The following WWC1 variants were observed in gnomAD, a reference collection of about 807,000 sequenced individuals.
WWC1 encodes protein KIBRA.
WWC1 carries 55 observed loss-of-function variants against 138.4 expected under a neutral mutation model. The observed-to-expected ratio is 0.40, with a 90% confidence interval of 0.32 to 0.50. The LOEUF (loss-of-function observed/expected upper bound fraction) is 0.50, where lower values mean the gene tolerates loss of function less well. Among genes scored for constraint, WWC1 ranks in the 20% least tolerant of loss-of-function variants. WWC1 has a pLI of 0.72. For missense variants in WWC1, 1,226 were observed against 1,420.4 expected (o/e 0.86, Z 2.20); for synonymous variants, 524 against 564.9 (o/e 0.93, Z 1.03).
chr5:168,402,250 G>A (rs1466847723), intron 5 of WWC1, among the ~76,000 whole-genome samples: 3 of 152,360 alleles, frequency 2.0e-5, no homozygotes, highest in East Asian at 1.9e-4. Context: ...TGGGCTCTGC[G>A]TCCAGTGTGG....
At position 168,349,874 on chromosome 5, in the gene WWC1, G is replaced by A. The variant is rs113736397; in HGVS notation, c.120-21550G>A. Among the ~76,000 whole-genome samples the A allele has an allele frequency of 8.4e-3, 1,277 of 152,230 alleles. 17 individuals are homozygous for A. The highest frequency in any genetic ancestry group is 0.024 in the African/African-American group (978 of 41,538). ...ACCAACAGCGGCCTCTTAAGTAACC[G>A]TTTGTTTCCTCAAAATAACACTCCA... On this transcript the variant is annotated intron_variant, in intron 1 of 22. Transcript: ENST00000265293.
chr5:168,463,191 G>A (rs931521296), intron 20 of WWC1, among the ~76,000 whole-genome samples: 28 of 152,178 alleles, frequency 1.8e-4, no homozygotes, highest in African/African-American at 6.5e-4. Context: ...CGCTGGTCAG[G>A]AGCTTAAGCA....
At position 168,351,779 on chromosome 5, in the gene WWC1, G is replaced by A. The variant is rs547777592; in HGVS notation, c.120-19645G>A. ...CAACCAGTCCTGTCGCAGCCAGGCT[G>A]TTTCTGCACCACGTGCCGCCTGCCC... On this transcript the variant is annotated intron_variant, in intron 1 of 22. Transcript: ENST00000265293. Among the ~76,000 whole-genome samples the A allele has an allele frequency of 1.8e-3, 273 of 152,306 alleles. 1 individual carries two copies. Among genetic ancestry groups the A allele is most frequent in the African/African-American group, 6.3e-3 (261 of 41,578 alleles).
At chr5:168,392,234 C>T (rs116399884) in intron 3 of WWC1, among the ~76,000 whole-genome samples, 1,869 of 152,150 alleles carry the variant, frequency 0.012, 30 homozygotes, top group African/African-American at 0.043. Context: ...AGACCTTAGC[C>T]CTCATATACC....
At chr5:168,343,929 T>C (rs1295243475) in intron 1 of WWC1, among the ~76,000 whole-genome samples, 3 of 152,122 alleles carry the variant, frequency 2.0e-5, no homozygotes. Flanking sequence ...CCACTCAGTC[T>C]TCCACTGATG....
chr5:168,387,115 G>C (rs1778103400), intron 3 of WWC1, among the ~76,000 whole-genome samples: 1 of 152,210 alleles, frequency 6.6e-6, no homozygotes, highest in African/African-American at 2.4e-5. Context: ...TGAGGCTTAG[G>C]ATCAACAATG....
intron 16 of WWC1, 48 bp downstream of exon 16, chr5:168,441,882 T>C (rs370722091): frequency 2.5e-6 from 4 of 1,587,140 alleles, no homozygotes; most frequent in Non-Finnish European, 3.4e-6. Flanking sequence ...CGCACCCGGA[T>C]GTTGGAAGGG....
chr5:168,378,850 T>A (rs1190337719), intron 2 of WWC1, among the ~76,000 whole-genome samples: 1 of 152,230 alleles, frequency 6.6e-6, no homozygotes, highest in African/African-American at 2.4e-5. Flanking sequence ...ATTCTCCAGA[T>A]GTTTTTAAGA....
chr5:168,328,417 G>A (rs1772750901), intron 1 of WWC1, among the ~76,000 whole-genome samples: 1 of 152,162 alleles, frequency 6.6e-6, no homozygotes, highest in Non-Finnish European at 1.5e-5. Flanking sequence ...GGGGTATATA[G>A]TGGTGGAGGC....
At chr5:168,339,995 CTCTT>C (rs760003887) in intron 1 of WWC1, among the ~76,000 whole-genome samples, 8 of 103,214 alleles carry the variant, frequency 7.8e-5, no homozygotes, top group African/African-American at 2.0e-4. Context: ...TTCTCTCTCT[CTCTT>C]TCTCTCTTTC....
chr5:168,441,879 G>A lies in WWC1; in HGVS notation c.2433+45G>A, dbSNP rs374086265. 66 of 1,588,466 alleles carry A rather than the reference G, an allele frequency of 4.2e-5. No individual in the cohort carries two copies. In the African/African-American group the frequency reaches 4.7e-4, roughly 11 times the overall value. On this transcript the variant is annotated intron_variant, in intron 16 of 22. Coordinates refer to ENST00000265293, the MANE Select transcript of WWC1 (RefSeq NM_015238.3). Reference sequence around the variant, plus strand: ...GCCACCTTCCCACAAGGCCGCACCCGGATGTTGGAAGGGAAAGCCTCTCCC... The same window carrying A: ...GCCACCTTCCCACAAGGCCGCACCCAGATGTTGGAAGGGAAAGCCTCTCCC...
intron 2 of WWC1, among the ~76,000 whole-genome samples, chr5:168,372,022 CGA>C (rs10602598): frequency 1.9e-4 from 27 of 145,464 alleles, no homozygotes; most frequent in Admixed American, 2.8e-4. Context: ...AGTGAATTGG[CGA>C]GAGAGAGAGA....
In WWC1 at chr5:168,441,723, G is replaced by A. The variant is rs1416855563; in HGVS notation, c.2322G>A (p.Gly774=). ...GCCTGGCGGAGGTCTGCCGGTCTGGGGAGAGGTCGACTCGCTGGTACAACC... is the reference window on the plus strand; with the variant it reads ...GCCTGGCGGAGGTCTGCCGGTCTGGAGAGAGGTCGACTCGCTGGTACAACC... The part of the protein sequence containing the change: ...QISLAEVCRS[G]ERSTRWYNLL... The change falls in exon 16 of 23, where the codon GGG becomes GGA. Residue 774 remains glycine, a synonymous_variant. Coordinates refer to ENST00000265293, the MANE Select transcript of WWC1 (RefSeq NM_015238.3). The A allele has an allele frequency of 6.2e-7, 1 of 1,614,156 alleles. No individual in the cohort carries two copies. The highest frequency in any genetic ancestry group is 1.3e-5 in the African/African-American group (1 of 75,032).
At chr5:168,432,412 A>G (rs1336059273) in intron 15 of WWC1, among the ~76,000 whole-genome samples, 1 of 152,210 alleles carries the variant, frequency 6.6e-6, no homozygotes, top group African/African-American at 2.4e-5. Flanking sequence ...ATTTTGTCCT[A>G]AGAGACAGGC....
In WWC1 at chr5:168,408,466, C is replaced by T. The variant is rs57038345; in HGVS notation, c.721-41C>T. On this transcript the variant is annotated intron_variant, in intron 6 of 22. Coordinates refer to ENST00000265293, the MANE Select transcript of WWC1 (RefSeq NM_015238.3). The stretch of plus-strand genomic sequence containing the variant: ...AGCGTGGCAGACCCAGAGCTCCCTC[C>T]TGGGAAGGCGCATCACTAACCCTGC... The T allele has an allele frequency of 3.4e-3, 5,421 of 1,605,698 alleles. 127 individuals are homozygous for T. The African/African-American group carries it at 0.057, about 17-fold the overall frequency.
intron 17 of WWC1, among the ~76,000 whole-genome samples, chr5:168,445,936 G>T (rs6876732): frequency 0.75 from 114,391 of 152,038 alleles, 44,255 homozygotes; most frequent in East Asian, 0.99. Context: ...CTGTGTACCT[G>T]TTAACCAAGA....
At chr5:168,425,120 A>T (rs1178797554) in intron 11 of WWC1, among the ~76,000 whole-genome samples, 2 of 152,184 alleles carry the variant, frequency 1.3e-5, no homozygotes, top group Non-Finnish European at 2.9e-5. Context: ...AGGTGATGTC[A>T]CTTGCCTTAG....
intron 15 of WWC1, among the ~76,000 whole-genome samples, chr5:168,440,885 A>T (rs1754690916): frequency 6.6e-6 from 1 of 152,204 alleles, no homozygotes; most frequent in African/African-American, 2.4e-5. Flanking sequence ...AATAGTGAAG[A>T]GGTAGAAGTA....
At chr5:168,334,857 C>T (rs1043393217) in intron 1 of WWC1, among the ~76,000 whole-genome samples, 1 of 152,200 alleles carries the variant, frequency 6.6e-6, no homozygotes, top group Non-Finnish European at 1.5e-5. Flanking sequence ...CGCCTGGAGC[C>T]CAGCTGAAGA....
Sources: allele counts gnomAD v4.1 joint callset (sites outside exome capture counted in the v4.1 genomes callset), GRCh38; gene constraint gnomAD v4.1.1; transcripts MANE v1.5; gene names NCBI Gene and HGNC (gene_info 2026-07-23, HGNC 2026-07-21).